Variants in EIF1AD observed in about 807,000 individuals in gnomAD.
EIF1AD encodes the protein eukaryotic translation initiation factor 1A domain containing.
In EIF1AD, 9 loss-of-function variants were observed where a neutral mutation model predicts 21.7. The ratio of observed to expected loss-of-function variants is 0.41; its 90% CI spans 0.25 to 0.72. EIF1AD has a LOEUF of 0.72. EIF1AD is among the 30% of genes least tolerant of loss of function. The pLI, the probability that EIF1AD is intolerant of heterozygous loss-of-function variation, is 0.29. For missense variants in EIF1AD, 164 were observed against 199.7 expected (o/e 0.82, Z 1.08); for synonymous variants, 78 against 70.9 (o/e 1.10, Z -0.50).
chr11:65,997,043 T>C lies in EIF1AD; in HGVS notation c.*1556A>G, dbSNP rs1336450058. ...TCGTCTCTACTGAAAATATAAAAAT[T>C]AGCCAGGCATGGTGGCACACGCCTG... On this transcript the variant is annotated 3_prime_UTR_variant, in exon 6 of 6. Coordinates refer to ENST00000533544, the MANE Select transcript of EIF1AD (RefSeq NM_001242481.2). 1 of 151,706 alleles carries C rather than the reference T, an allele frequency of 6.6e-6. No homozygotes were observed. Among genetic ancestry groups the C allele is most frequent in the African/African-American group, 2.4e-5 (1 of 41,232 alleles). The allele number at this position is 151,706 out of a possible 1,614,324, so 9.4% of individuals were successfully genotyped here.
chr11:65,999,760 A>G, intron 3 of EIF1AD, 85 bp from the exon 4 acceptor site: 2 of 940,452 alleles, frequency 2.1e-6, no homozygotes, highest in Non-Finnish European at 3.4e-6. Flanking sequence ...TATCTCCTAG[A>G]GAGGGCTGCC....
rs1298318081 is a variant in EIF1AD at position 65,999,683 on chromosome 11, T to C, written c.197-8A>G. On this transcript the variant is annotated splice_polypyrimidine_tract_variant and splice_region_variant and intron_variant, in intron 3 of 5. Transcript: ENST00000533544. The stretch of plus-strand genomic sequence containing the variant: ...CAACAATGAGAAAGTCCCCTGTAGA[T>C]AAGAAGAGAAAAGGCAAAGTCAGGC... 1.9e-6 allele frequency: 3 copies of C among 1,603,180 alleles called. No individual in the cohort carries two copies. The highest frequency in any genetic ancestry group is 2.6e-6 in the Non-Finnish European group (3 of 1,170,374).
At chr11:66,001,471 CAAA>C (rs397944986) in intron 1 of EIF1AD, among the ~76,000 whole-genome samples, 1 of 79,454 alleles carries the variant, frequency 1.3e-5, no homozygotes. Context: ...GACTCCGTCT[CAAA>C]AAAAAAAAAA....
chr11:65,999,293 C>T (rs1855845312), intron 5 of EIF1AD, 57 bp downstream of exon 5: 5 of 1,610,698 alleles, frequency 3.1e-6, no homozygotes, highest in East Asian at 2.2e-5. Flanking sequence ...TCCCTCAAGG[C>T]ACCAAAGCAT....
At chr11:66,001,260 T>C (rs1167524592) in intron 1 of EIF1AD, among the ~76,000 whole-genome samples, 1 of 152,130 alleles carries the variant, frequency 6.6e-6, no homozygotes, top group Non-Finnish European at 1.5e-5. Flanking sequence ...GATCACGATG[T>C]CAGGAGATCG....
Position 66,000,419 on chromosome 11 carries a change from G to C in EIF1AD, c.-30C>G. 2 of 1,575,124 alleles carry C rather than the reference G, an allele frequency of 1.3e-6. No homozygotes were observed. Among genetic ancestry groups the C allele is most frequent in the Non-Finnish European group, 8.6e-7 (1 of 1,159,344 alleles). On this transcript the variant is annotated 5_prime_UTR_variant, in exon 2 of 6. Transcript: ENST00000533544. ...AAGTCGTCCCACACTGGTTAGGAAC[G>C]AAGAGACTGTCAACTCCTCCTCCTG...
Position 65,998,301 on chromosome 11 carries a change from A to G in EIF1AD, c.*298T>C, listed in dbSNP as rs1279368004. 1.3e-5 allele frequency: 3 copies of G among 231,928 alleles called. No individual in the cohort carries two copies. The highest frequency in any genetic ancestry group is 2.5e-5 in the Non-Finnish European group (3 of 118,820). 14.4% of individuals were successfully genotyped at this position (231,928 alleles called of 1,614,324 possible). A position where few individuals can be genotyped will look rare whatever the true frequency, so the allele number is the denominator to read the frequency against. On this transcript the variant is annotated 3_prime_UTR_variant, in exon 6 of 6. Coordinates refer to ENST00000533544, the MANE Select transcript of EIF1AD (RefSeq NM_001242481.2). ...AGAAAGAACAAACCACCTGGGAAAG[A>G]CTCCAGCCATTTCCCATTTCCTCCC... is the stretch of plus-strand genomic sequence containing the variant.
chr11:65,998,158 T>C lies in EIF1AD; in HGVS notation c.*441A>G, dbSNP rs1855798530. 1 of 158,152 alleles carries C rather than the reference T, an allele frequency of 6.3e-6. No homozygotes were observed. Among genetic ancestry groups the C allele is most frequent in the African/African-American group, 2.4e-5 (1 of 41,428 alleles). The allele number at this position is 158,152 out of a possible 1,614,324, so 9.8% of individuals were successfully genotyped here. A position where few individuals can be genotyped will look rare whatever the true frequency, so the allele number is the denominator to read the frequency against. On this transcript the variant is annotated 3_prime_UTR_variant, in exon 6 of 6. Transcript: ENST00000533544. ...TGGGTGTTAGGTCCTAGGGCTGTCA[T>C]CCTGAATGCTTAAATTGGTATGAAC...
rs931351724 is a variant in EIF1AD at position 65,997,687 on chromosome 11, T to A, written c.*912A>T. On this transcript the variant is annotated 3_prime_UTR_variant, in exon 6 of 6. Coordinates refer to ENST00000533544, the MANE Select transcript of EIF1AD (RefSeq NM_001242481.2). ...TTGGGCACAGAGGTGAATGATTGGG[T>A]TTACCCAGGGTTAGGGTTTTACTAG... The A allele has an allele frequency of 1.3e-5, 2 of 152,216 alleles. No individual in the cohort carries two copies. Among genetic ancestry groups the A allele is most frequent in the Non-Finnish European group, 1.5e-5 (1 of 68,068 alleles). The allele number at this position is 152,216 out of a possible 1,614,324, so 9.4% of individuals were successfully genotyped here. A position where few individuals can be genotyped will look rare whatever the true frequency, so the allele number is the denominator to read the frequency against.
chr11:66,000,315 C>T lies in EIF1AD; in HGVS notation c.75G>A (p.Gln25=), dbSNP rs1269772820. The T allele has an allele frequency of 1.2e-6, 2 of 1,613,424 alleles. No homozygotes were observed. The highest frequency in any genetic ancestry group is 1.1e-5 in the South Asian group (1 of 90,946). ...CCACGCCACTCACCCTGACAATCTGCTGCTGGTCGGAGGGCACTATGTGCT... is the reference window on the plus strand; with the variant it reads ...CCACGCCACTCACCCTGACAATCTGTTGCTGGTCGGAGGGCACTATGTGCT... ...LGEHIVPSDQ[Q]QIVRVLRTPG... The change falls in exon 2 of 6, where the codon CAG becomes CAA. Residue 25 remains glutamine, a synonymous_variant. Coordinates refer to ENST00000533544, the MANE Select transcript of EIF1AD (RefSeq NM_001242481.2).
rs1459416413 is a variant in EIF1AD, at chr11:65,998,753, G to C, written c.354-10C>G. On this transcript the variant is annotated splice_polypyrimidine_tract_variant and intron_variant, in intron 5 of 5. Transcript: ENST00000533544. ...TTCTGGTTGAGTTTGTCTGCACGAA[G>C]GGAAGAGAGCAGGGTTAGCCCAGCG... 1.2e-6 allele frequency: 2 copies of C among 1,613,810 alleles called. No homozygotes were observed. Among genetic ancestry groups the C allele is most frequent in the African/African-American group, 1.3e-5 (1 of 74,906 alleles).
rs1479106145 is a variant in EIF1AD, at chr11:65,997,143, T to A, written c.*1456A>T. On this transcript the variant is annotated 3_prime_UTR_variant, in exon 6 of 6. Transcript: ENST00000533544. ...GAGTTCGAGACCAGCCCGGGCAACA[T>A]GGCAAAACCCCGTCTCTACTAAAAA... is the stretch of plus-strand genomic sequence containing the variant. The A allele has an allele frequency of 2.0e-5, 3 of 151,212 alleles. No homozygotes were observed. Among genetic ancestry groups the A allele is most frequent in the Non-Finnish European group, 4.4e-5 (3 of 67,844 alleles). The allele number at this position is 151,212 out of a possible 1,614,324, so 9.4% of individuals were successfully genotyped here.
Position 66,000,073 on chromosome 11 carries a change from T to C in EIF1AD, c.176A>G (p.Lys59Arg). ...CTCACCTCTCTTGATCCAGATGTTC[T>C]TGCGGTATTTGGAGGGCATGCTCAC... ...FLVSMPSKYR[K>R]NIWIKRGDFL... is the part of the protein sequence containing the mutation. Residue 59 changes from lysine to arginine, a missense_variant, in exon 3 of 6, where the codon AAG (lysine) becomes AGG (arginine). Transcript: ENST00000533544. The C allele has an allele frequency of 2.5e-6, 4 of 1,613,902 alleles. No homozygotes were observed. Among genetic ancestry groups the C allele is most frequent in the Non-Finnish European group, 3.4e-6 (4 of 1,179,756 alleles).
Position 66,000,438 on chromosome 11 carries a change from C to T in EIF1AD, c.-49G>A. 1 of 1,546,974 alleles carries T rather than the reference C, an allele frequency of 6.5e-7. No individual in the cohort carries two copies. Among genetic ancestry groups the T allele is most frequent in the Non-Finnish European group, 8.8e-7 (1 of 1,140,570 alleles). The stretch of plus-strand genomic sequence containing the variant: ...AGGAACGAAGAGACTGTCAACTCCT[C>T]CTCCTGAGTTCCTTGGATGGCAGGC... On this transcript the variant is annotated 5_prime_UTR_variant, in exon 2 of 6. Transcript: ENST00000533544.
intron 5 of EIF1AD, 144 bp downstream of exon 5, chr11:65,999,206 T>C: frequency 8.8e-7 from 1 of 1,141,014 alleles, no homozygotes; most frequent in Non-Finnish European, 1.3e-6. Context: ...TCAAACCCCA[T>C]TCATAACCAT....
rs772585620 is a variant in EIF1AD, at chr11:65,999,329, A to C, written c.353+21T>G. ...GAACCCCTTATTTTCCATGTACCCC[A>C]CCCCAAGGCTTGTTCCTCACCTGTT... is the stretch of plus-strand genomic sequence containing the variant. On this transcript the variant is annotated intron_variant, in intron 5 of 5. Transcript: ENST00000533544. 2.4e-5 allele frequency: 39 copies of C among 1,613,766 alleles called. No homozygotes were observed. In the East Asian group the frequency reaches 2.9e-4, roughly 12 times the overall value.
Position 65,996,773 on chromosome 11 carries a change from A to G in EIF1AD, c.*1826T>C, listed in dbSNP as rs1478230677. 6.6e-6 allele frequency: 1 copy of G among 152,212 alleles called. No homozygotes were observed. Among genetic ancestry groups the G allele is most frequent in the Non-Finnish European group, 1.5e-5 (1 of 68,052 alleles). The allele number at this position is 152,212 out of a possible 1,614,324, so 9.4% of individuals were successfully genotyped here. A position where few individuals can be genotyped will look rare whatever the true frequency, so the allele number is the denominator to read the frequency against. The stretch of plus-strand genomic sequence containing the variant: ...TCTACAGCACGCTCGACACTAACAC[A>G]TCACATCCATAACATATCACATCCA... On this transcript the variant is annotated 3_prime_UTR_variant, in exon 6 of 6. Transcript: ENST00000533544.
At position 65,998,575 on chromosome 11, in the gene EIF1AD, A is replaced by G; in HGVS notation, c.*24T>C. On this transcript the variant is annotated 3_prime_UTR_variant, in exon 6 of 6. Transcript: ENST00000533544. ...AGAGCCAGGGGCCAGTCCCTGAGCA[A>G]GTGGAGAATTGGGTCCTGGAGTCTC... is the stretch of plus-strand genomic sequence containing the variant. The G allele has an allele frequency of 6.2e-7, 1 of 1,611,748 alleles. No homozygotes were observed. Among genetic ancestry groups the G allele is most frequent in the Non-Finnish European group, 8.5e-7 (1 of 1,179,188 alleles).
At position 65,998,123 on chromosome 11, in the gene EIF1AD, T is replaced by G. The variant is rs1280137901; in HGVS notation, c.*476A>C. ...GCACCATGGGCTCCTGAGCGTCTCT[T>G]AGAGGCAGGTGGGTGTTAGGTCCTA... On this transcript the variant is annotated 3_prime_UTR_variant, in exon 6 of 6. Coordinates refer to ENST00000533544, the MANE Select transcript of EIF1AD (RefSeq NM_001242481.2). 6.5e-6 allele frequency: 1 copy of G among 154,624 alleles called. No individual in the cohort carries two copies. The highest frequency in any genetic ancestry group is 1.4e-5 in the Non-Finnish European group (1 of 69,612). 9.6% of individuals were successfully genotyped at this position (154,624 alleles called of 1,614,324 possible).
Sources: allele counts gnomAD v4.1 joint callset (sites outside exome capture counted in the v4.1 genomes callset), GRCh38; gene constraint gnomAD v4.1.1; transcripts MANE v1.5; gene names NCBI Gene and HGNC (gene_info 2026-07-23, HGNC 2026-07-21).